The following RANBP2 variants were observed in gnomAD, a reference collection of about 807,000 sequenced individuals.
The protein encoded by RANBP2 is E3 SUMO-protein ligase RanBP2.
A neutral mutation model predicts 303.6 loss-of-function variants in RANBP2; 57 were observed. The ratio of observed to expected loss-of-function variants is 0.19; its 90% CI spans 0.15 to 0.23. The LOEUF (loss-of-function observed/expected upper bound fraction) is 0.23. RANBP2 is among the 10% of genes least tolerant of loss of function. The pLI is 1.00. For missense variants in RANBP2, 3,138 were observed against 3,780.8 expected (o/e 0.83, Z 4.46); for synonymous variants, 1,167 against 1,301.5 (o/e 0.90, Z 2.23).
the RANBP2 span, among the ~76,000 whole-genome samples, chr2:108,970,162 C>G: frequency 1.3e-5 from 2 of 152,140 alleles, no homozygotes; most frequent in Non-Finnish European, 1.5e-5. Flanking sequence ...GGAGCATCGC[C>G]TGGGAGCTCC....
At chr2:109,407,454 C>T in the RANBP2 span, among the ~76,000 whole-genome samples, 1 of 152,210 alleles carries the variant, frequency 6.6e-6, no homozygotes, top group African/African-American at 2.4e-5. Flanking sequence ...TTGGCTGGGT[C>T]TTATTATCTC....
the RANBP2 span, among the ~76,000 whole-genome samples, chr2:109,363,385 A>T: frequency 6.6e-6 from 1 of 152,160 alleles, no homozygotes; most frequent in South Asian, 2.1e-4. Context: ...TCCTTGTATC[A>T]TTGGTGTGAT....
intron 24 of RANBP2, among the ~76,000 whole-genome samples, chr2:108,776,625 A>G: frequency 6.6e-6 from 1 of 152,180 alleles, no homozygotes; most frequent in Non-Finnish European, 1.5e-5. Flanking sequence ...TATGAGGAAA[A>G]TAAGGCATGG....
chr2:109,414,645 G>A, the RANBP2 span, among the ~76,000 whole-genome samples: 24 of 152,216 alleles, frequency 1.6e-4, no homozygotes, highest in South Asian at 4.8e-3. Flanking sequence ...TGCTGCCCAG[G>A]CCAGTCCCTT....
the RANBP2 span, among the ~76,000 whole-genome samples, chr2:109,423,155 G>A: frequency 2.0e-5 from 3 of 152,112 alleles, no homozygotes; most frequent in Non-Finnish European, 4.4e-5. Flanking sequence ...GAGGGACCTG[G>A]GAGTCCTATC....
At chr2:109,303,166 G>A in the RANBP2 span, among the ~76,000 whole-genome samples, 2 of 152,182 alleles carry the variant, frequency 1.3e-5, no homozygotes, top group Non-Finnish European at 2.9e-5. Flanking sequence ...GTGAGCCACC[G>A]CGCCCGGCCG....
chr2:109,417,553 G>C, the RANBP2 span, among the ~76,000 whole-genome samples: 1 of 152,128 alleles, frequency 6.6e-6, no homozygotes, highest in Non-Finnish European at 1.5e-5. Flanking sequence ...CCTCAGCCAG[G>C]CACAGGACCC....
the RANBP2 span, among the ~76,000 whole-genome samples, chr2:109,454,700 C>T: frequency 6.6e-6 from 1 of 152,134 alleles, no homozygotes; most frequent in Non-Finnish European, 1.5e-5. Flanking sequence ...TAGGATAGAT[C>T]TTCATGGTGA....
the RANBP2 span, among the ~76,000 whole-genome samples, chr2:109,231,108 T>A: frequency 1.3e-5 from 2 of 152,374 alleles, no homozygotes; most frequent in East Asian, 1.9e-4. Flanking sequence ...GGAAGGAGGC[T>A]TAGGTGGCTT....
At chr2:109,457,544 A>G in the RANBP2 span, among the ~76,000 whole-genome samples, 1 of 152,262 alleles carries the variant, frequency 6.6e-6, no homozygotes, top group African/African-American at 2.4e-5. Flanking sequence ...GTGAAATCCT[A>G]CACTCTAGTG....
At chr2:109,060,873 C>T in the RANBP2 span, among the ~76,000 whole-genome samples, 1 of 152,032 alleles carries the variant, frequency 6.6e-6, no homozygotes, top group Non-Finnish European at 1.5e-5. Flanking sequence ...TATATGTCTT[C>T]ATAGTTAATT....
chr2:108,972,029 G>C, the RANBP2 span, among the ~76,000 whole-genome samples: 1 of 152,180 alleles, frequency 6.6e-6, no homozygotes, highest in Admixed American at 6.5e-5. Flanking sequence ...CTGGATGTGG[G>C]TCCTCCAGCC....
Position 108,719,484 on chromosome 2 carries a change from A to G in RANBP2, c.-123A>G. 6.7e-7 allele frequency: 1 copy of G among 1,485,426 alleles called. No homozygotes were observed. 92.0% of individuals were successfully genotyped at this position (1,485,426 alleles called of 1,614,324 possible). ...GCCGGCTGCGCCGCAAGTTCGTCAC[A>G]GTGGTCCTCCGCCGGCTACGGCGCT... On this transcript the variant is annotated 5_prime_UTR_variant, in exon 1 of 29. Transcript: ENST00000283195.
At chr2:109,395,511 TCTTA>T in the RANBP2 span, among the ~76,000 whole-genome samples, 337 of 152,212 alleles carry the variant, frequency 2.2e-3, 1 homozygote, top group Non-Finnish European at 3.5e-3. Context: ...AGGCAGGAGC[TCTTA>T]CTTCTCCTGC....
the RANBP2 span, among the ~76,000 whole-genome samples, chr2:108,870,669 C>A: frequency 2.0e-5 from 3 of 152,182 alleles, no homozygotes; most frequent in African/African-American, 4.8e-5. Flanking sequence ...AGTTCTGATA[C>A]ATGCTACAGA....
In RANBP2 at chr2:108,784,460, T is replaced by C. The variant is rs1438859888; in HGVS notation, c.*559T>C. 2 of 152,810 alleles carry C rather than the reference T, an allele frequency of 1.3e-5. No homozygotes were observed. The highest frequency in any genetic ancestry group is 4.8e-5 in the African/African-American group (2 of 41,466). The allele number at this position is 152,810 out of a possible 1,614,324, so 9.5% of individuals were successfully genotyped here. A position where few individuals can be genotyped will look rare whatever the true frequency, so the allele number is the denominator to read the frequency against. ...CCTCCTGTGTGGTTACAAGTTAACT[T>C]TGTAAGTAGCGTACCTTCCTTCCTT... On this transcript the variant is annotated 3_prime_UTR_variant, in exon 29 of 29. Transcript: ENST00000283195.
At chr2:109,567,996 A>AGGCCGGGCGCGGTGG in the RANBP2 span, 1 of 1,545,818 alleles carries the variant, frequency 6.5e-7, no homozygotes, top group Non-Finnish European at 8.7e-7. Flanking sequence ...ATAAAGAAAA[A>AGGCCGGGCGCGGTGG]CAAAATCTTA....
At chr2:109,276,567 G>T in the RANBP2 span, among the ~76,000 whole-genome samples, 1 of 152,166 alleles carries the variant, frequency 6.6e-6, no homozygotes, top group East Asian at 1.9e-4. Context: ...GAGAAAACTT[G>T]TGTTTCATTT....
At chr2:109,456,710 C>T in the RANBP2 span, among the ~76,000 whole-genome samples, 4 of 152,134 alleles carry the variant, frequency 2.6e-5, no homozygotes, top group East Asian at 1.9e-4. Context: ...TGCTGGTGAC[C>T]CTTTCAGGGT....
Sources: allele counts gnomAD v4.1 joint callset (sites outside exome capture counted in the v4.1 genomes callset), GRCh38; gene constraint gnomAD v4.1.1; transcripts MANE v1.5; gene names NCBI Gene and HGNC (gene_info 2026-07-23, HGNC 2026-07-21).